The following RBFOX1 variants were observed in gnomAD, a reference collection of about 807,000 sequenced individuals.
RBFOX1 encodes the protein RNA binding fox-1 homolog 1, also known as RNA binding protein fox-1 homolog 1.
RBFOX1 carries 8 observed loss-of-function variants against 57.7 expected under a neutral mutation model. The ratio of observed to expected loss-of-function variants is 0.14; its 90% CI spans 0.08 to 0.25. The LOEUF is 0.25. Ranked by LOEUF, RBFOX1 falls within the 10% of genes least tolerant of loss-of-function variation. The pLI is 1.00. For missense variants in RBFOX1, 611 were observed against 548.5 expected, an observed-to-expected ratio of 1.11 and a Z score of -1.14; for synonymous variants, 326 against 222.4, an observed-to-expected ratio of 1.47 and a Z score of -4.15.
chr16:7,019,962 C>G (rs948851815), intron 3 of RBFOX1, among the ~76,000 whole-genome samples: 1 of 151,636 alleles, frequency 6.6e-6, no homozygotes, highest in Non-Finnish European at 1.5e-5. Flanking sequence ...ACTATATTCC[C>G]TTTCTTCTGG....
At chr16:6,174,820 C>G (rs894960047) in intron 1 of RBFOX1, among the ~76,000 whole-genome samples, 3 of 152,114 alleles carry the variant, frequency 2.0e-5, no homozygotes, top group Non-Finnish European at 2.9e-5. Flanking sequence ...GGCTGATCAG[C>G]TAAGCTTTCT....
chr16:6,796,523 C>A (rs375949368), intron 3 of RBFOX1, among the ~76,000 whole-genome samples: 2 of 152,178 alleles, frequency 1.3e-5, no homozygotes, highest in Non-Finnish European at 2.9e-5. Context: ...CTGTAAATAA[C>A]AGAATAGATG....
chr16:6,120,862 C>T (rs78704467), intron 1 of RBFOX1, among the ~76,000 whole-genome samples: 6 of 152,126 alleles, frequency 3.9e-5, no homozygotes, highest in African/African-American at 1.4e-4. Flanking sequence ...TTCTGGTGTA[C>T]AGAACACATG....
At chr16:6,537,536 C>G (rs113126604) in intron 2 of RBFOX1, among the ~76,000 whole-genome samples, 15 of 152,300 alleles carry the variant, frequency 9.8e-5, no homozygotes, top group African/African-American at 3.1e-4. Context: ...AGTTGCTGAG[C>G]TAACACTCAG....
chr16:5,928,020 G>T (rs951372734), intron 4 of RBFOX1, among the ~76,000 whole-genome samples: 20 of 152,178 alleles, frequency 1.3e-4, no homozygotes, highest in African/African-American at 4.8e-4. Flanking sequence ...GTGATCTGTG[G>T]CAGGGCATGG....
intron 1 of RBFOX1, among the ~76,000 whole-genome samples, chr16:5,312,235 A>C (rs567731823): frequency 3.9e-5 from 6 of 152,256 alleles, no homozygotes; most frequent in Non-Finnish European, 8.8e-5. Flanking sequence ...CTGAAGCACA[A>C]CTGAGAACAT....
chr16:7,648,256 G>T (rs1324595068), intron 11 of RBFOX1, among the ~76,000 whole-genome samples: 2 of 152,152 alleles, frequency 1.3e-5, no homozygotes, highest in Non-Finnish European at 2.9e-5. Flanking sequence ...GTCTTGGTCT[G>T]TCACCCAGGC....
intron 3 of RBFOX1, among the ~76,000 whole-genome samples, chr16:6,977,834 T>G (rs922092387): frequency 6.6e-6 from 1 of 151,290 alleles, no homozygotes; most frequent in Non-Finnish European, 1.5e-5. Flanking sequence ...ATTTGCAGTA[T>G]CTTGAAAAGC....
intron 9 of RBFOX1, among the ~76,000 whole-genome samples, chr16:7,601,425 T>A (rs190920874): frequency 2.6e-5 from 4 of 152,310 alleles, no homozygotes; most frequent in Admixed American, 2.0e-4. Flanking sequence ...CAATATTAAG[T>A]CATCATATTA....
intron 2 of RBFOX1, among the ~76,000 whole-genome samples, chr16:6,386,625 A>G (rs1204830206): frequency 6.6e-6 from 1 of 152,234 alleles, no homozygotes; most frequent in Non-Finnish European, 1.5e-5. Context: ...AAAAGAAACC[A>G]TTGCGTCCCA....
chr16:7,236,223 T>G (rs866538334), intron 4 of RBFOX1, among the ~76,000 whole-genome samples: 1 of 152,198 alleles, frequency 6.6e-6, no homozygotes, highest in Non-Finnish European at 1.5e-5. Flanking sequence ...AAGAGTTATA[T>G]TTAGATCTGT....
intron 4 of RBFOX1, among the ~76,000 whole-genome samples, chr16:5,943,239 A>G (rs1381286541): frequency 6.6e-6 from 1 of 152,190 alleles, no homozygotes; most frequent in Admixed American, 6.5e-5. Flanking sequence ...TTAAAAGTGC[A>G]GTTTTCCCAG....
chr16:5,599,838 G>A (rs1230974921), exon 3 of RBFOX1: 1 of 152,716 alleles, frequency 6.5e-6, no homozygotes, highest in South Asian at 2.1e-4. Flanking sequence ...TTGTGATAGT[G>A]GTAAGTGAAA....
At chr16:6,140,903 T>A (rs961260103) in intron 1 of RBFOX1, among the ~76,000 whole-genome samples, 1 of 152,186 alleles carries the variant, frequency 6.6e-6, no homozygotes, top group African/African-American at 2.4e-5. Flanking sequence ...CAAATAACCA[T>A]CTCACAGGTG....
chr16:5,738,680 C>G (rs1439498771), intron 3 of RBFOX1, among the ~76,000 whole-genome samples: 1 of 145,208 alleles, frequency 6.9e-6, no homozygotes, highest in Non-Finnish European at 1.5e-5. Flanking sequence ...AAGTATAAAG[C>G]ACATTCCATT....
chr16:5,437,666 G>T (rs1339517334), intron 1 of RBFOX1, among the ~76,000 whole-genome samples: 3 of 152,202 alleles, frequency 2.0e-5, no homozygotes, highest in African/African-American at 7.2e-5. Context: ...TACATATGTA[G>T]TGTAAATCCG....
At chr16:7,677,076 G>A (rs1262655476) in intron 14 of RBFOX1, among the ~76,000 whole-genome samples, 2 of 150,218 alleles carry the variant, frequency 1.3e-5, no homozygotes, top group Non-Finnish European at 3.0e-5. Context: ...CTTGGTCCTT[G>A]TGTAGTTTTT....
chr16:6,157,076 T>C (rs1179218601), intron 1 of RBFOX1, among the ~76,000 whole-genome samples: 1 of 152,052 alleles, frequency 6.6e-6, no homozygotes, highest in Non-Finnish European at 1.5e-5. Flanking sequence ...TCTCCAGTGA[T>C]CCTCCACCAT....
chr16:5,432,433 C>G (rs539221002), intron 1 of RBFOX1, among the ~76,000 whole-genome samples: 2 of 152,144 alleles, frequency 1.3e-5, no homozygotes, highest in South Asian at 4.1e-4. Flanking sequence ...TATTTATTGT[C>G]CGTCATTATC....
Sources: allele counts gnomAD v4.1 joint callset (sites outside exome capture counted in the v4.1 genomes callset), GRCh38; gene constraint gnomAD v4.1.1; transcripts MANE v1.5; gene names NCBI Gene and HGNC (gene_info 2026-07-23, HGNC 2026-07-21).